TACR1: variants seen among roughly 807,000 people sequenced by gnomAD.
The protein encoded by TACR1 is tachykinin receptor 1.
In TACR1, 25 loss-of-function variants were observed where a neutral mutation model predicts 35.8. The ratio of observed to expected loss-of-function variants is 0.70; its 90% confidence interval spans 0.51 to 0.98. The LOEUF is 0.98. Ranked by LOEUF, TACR1 falls within the 50% of genes least tolerant of loss-of-function variation. The pLI is 0.00. For missense variants in TACR1, 478 were observed against 522.9 expected (o/e 0.91, Z 0.84); for synonymous variants, 195 against 206.7 (o/e 0.94, Z 0.48).
intron 2 of TACR1, among the ~76,000 whole-genome samples, chr2:75,102,289 G>C (rs1202897088): frequency 6.6e-6 from 1 of 152,168 alleles, no homozygotes; most frequent in Non-Finnish European, 1.5e-5. Flanking sequence ...CAGTTGAGCT[G>C]GCACAAACCA....
At chr2:75,121,495 A>T (rs1348222725) in intron 1 of TACR1, among the ~76,000 whole-genome samples, 2 of 152,214 alleles carry the variant, frequency 1.3e-5, no homozygotes, top group Admixed American at 6.5e-5. Flanking sequence ...GTCTGGAGCC[A>T]TTCCTCCATC....
chr2:75,073,727 C>T (rs909349931), intron 2 of TACR1, among the ~76,000 whole-genome samples: 1 of 152,160 alleles, frequency 6.6e-6, no homozygotes, highest in Non-Finnish European at 1.5e-5. Flanking sequence ...AGAAAATCCT[C>T]CTGCCATTTG....
chr2:75,139,796 C>A (rs1034009308), intron 1 of TACR1, among the ~76,000 whole-genome samples: 13 of 152,196 alleles, frequency 8.5e-5, no homozygotes, highest in African/African-American at 3.1e-4. Flanking sequence ...TGAGACAAAG[C>A]CAAAATACTA....
chr2:75,070,926 G>A (rs1672864367), intron 2 of TACR1, among the ~76,000 whole-genome samples: 1 of 152,006 alleles, frequency 6.6e-6, no homozygotes. Flanking sequence ...TATATGGCTT[G>A]CAAATTAAGA....
chr2:75,166,509 A>G (rs1018758674), intron 1 of TACR1, among the ~76,000 whole-genome samples: 20 of 152,224 alleles, frequency 1.3e-4, no homozygotes, highest in Admixed American at 3.9e-4. Flanking sequence ...TGGCCAATCA[A>G]TCAGCGCTCC....
At chr2:75,093,727 T>G (rs1377819637) in intron 2 of TACR1, among the ~76,000 whole-genome samples, 1 of 152,188 alleles carries the variant, frequency 6.6e-6, no homozygotes, top group East Asian at 1.9e-4. Flanking sequence ...GATAGTCATT[T>G]ATAAATAAGA....
intron 2 of TACR1, chr2:75,090,778 G>T (rs1000521854): frequency 1.3e-5 from 2 of 153,992 alleles, no homozygotes; most frequent in African/African-American, 4.8e-5. Context: ...GTGTCACCAA[G>T]AATGTATCCC....
intron 1 of TACR1, among the ~76,000 whole-genome samples, chr2:75,143,663 A>G (rs1185444412): frequency 2.0e-5 from 3 of 152,216 alleles, no homozygotes; most frequent in African/African-American, 4.8e-5. Flanking sequence ...ACTAACTCCA[A>G]CGGTCTCATG....
intron 1 of TACR1, among the ~76,000 whole-genome samples, chr2:75,147,832 C>T (rs1369320967): frequency 1.3e-5 from 2 of 151,950 alleles, no homozygotes; most frequent in South Asian, 4.2e-4. Flanking sequence ...CAACCTCTGC[C>T]TCCCCAGGTT....
intron 2 of TACR1, among the ~76,000 whole-genome samples, chr2:75,106,981 C>T (rs1348981430): frequency 6.6e-6 from 1 of 151,240 alleles, no homozygotes. Flanking sequence ...AGTTATGAAC[C>T]GATATCAAAA....
chr2:75,080,557 A>C (rs192695709), intron 2 of TACR1, among the ~76,000 whole-genome samples: 11 of 152,182 alleles, frequency 7.2e-5, no homozygotes, highest in Admixed American at 7.2e-4. Flanking sequence ...TGGCTTAGGA[A>C]CCTGATGTCT....
intron 1 of TACR1, among the ~76,000 whole-genome samples, chr2:75,147,305 A>G (rs764668490): frequency 2.0e-5 from 3 of 152,238 alleles, no homozygotes; most frequent in Non-Finnish European, 4.4e-5. Flanking sequence ...ATATTTCCCC[A>G]GAACCTCAGT....
intron 1 of TACR1, among the ~76,000 whole-genome samples, chr2:75,183,774 T>C (rs567441983): frequency 2.0e-5 from 3 of 152,334 alleles, no homozygotes; most frequent in Non-Finnish European, 4.4e-5. Flanking sequence ...ATCCTCAAAC[T>C]ACTGTGAAGA....
At chr2:75,074,123 C>T (rs964807372) in intron 2 of TACR1, among the ~76,000 whole-genome samples, 3 of 152,062 alleles carry the variant, frequency 2.0e-5, no homozygotes, top group Non-Finnish European at 2.9e-5. Context: ...ATACTATTTA[C>T]GAAATGGAAA....
chr2:75,126,461 G>T (rs896267421), intron 1 of TACR1, among the ~76,000 whole-genome samples: 4 of 152,124 alleles, frequency 2.6e-5, no homozygotes, highest in African/African-American at 4.8e-5. Flanking sequence ...TAATGGGATT[G>T]CTGGGTCAAA....
At chr2:75,116,910 C>CA (rs879800639) in intron 2 of TACR1, among the ~76,000 whole-genome samples, 116 of 138,022 alleles carry the variant, frequency 8.4e-4, no homozygotes, top group South Asian at 3.9e-3. Context: ...AACTCCGTCT[C>CA]AAAAAAAAAA....
chr2:75,164,308 C>A, intron 1 of TACR1, among the ~76,000 whole-genome samples: 1 of 136,048 alleles, frequency 7.4e-6, no homozygotes, highest in South Asian at 2.4e-4. Flanking sequence ...GCCTGGGTGA[C>A]AGAGCAAGAC....
intron 2 of TACR1, among the ~76,000 whole-genome samples, chr2:75,103,357 AAAAAC>A (rs957540791): frequency 6.6e-6 from 1 of 152,126 alleles, no homozygotes; most frequent in African/African-American, 2.4e-5. Context: ...ACTAGAAACT[AAAAAC>A]AAAACAAAAC....
intron 1 of TACR1, among the ~76,000 whole-genome samples, chr2:75,145,277 ATATCT>A (rs1196958647): frequency 6.6e-6 from 1 of 152,152 alleles, no homozygotes; most frequent in South Asian, 2.1e-4. Context: ...AATGGTGAAA[ATATCT>A]TAAATGCAAT....
Sources: allele counts gnomAD v4.1 joint callset (sites outside exome capture counted in the v4.1 genomes callset), GRCh38; gene constraint gnomAD v4.1.1; transcripts MANE v1.5; gene names NCBI Gene and HGNC (gene_info 2026-07-23, HGNC 2026-07-21).